FXR1: variants seen among roughly 807,000 people sequenced by gnomAD.
The protein encoded by FXR1 is RNA-binding protein FXR1.
A neutral mutation model predicts 84.0 loss-of-function variants in FXR1; 15 were observed. The ratio of observed to expected loss-of-function variants is 0.18; its 90% CI spans 0.12 to 0.27. The LOEUF is 0.27. FXR1 is among the 10% of genes least tolerant of loss of function. The pLI is 1.00. For missense variants in FXR1, 480 were observed against 774.4 expected (o/e 0.62, Z 4.51); for synonymous variants, 245 against 250.7 (o/e 0.98, Z 0.21).
intron 11 of FXR1, 124 bp from the exon 12 acceptor site, chr3:180,962,759 A>G (rs1166638014): frequency 3.3e-5 from 22 of 667,896 alleles, no homozygotes; most frequent in Non-Finnish European, 5.3e-5. Flanking sequence ...TAGGAACACA[A>G]TGCTCTTTAC....
intron 3 of FXR1, among the ~76,000 whole-genome samples, chr3:180,939,747 T>G (rs1199360696): frequency 1.3e-5 from 2 of 152,216 alleles, no homozygotes; most frequent in Non-Finnish European, 1.5e-5. Flanking sequence ...TTTCCAAATG[T>G]ATTCAGAGGG....
At chr3:180,919,226 T>C (rs1212285472) in intron 1 of FXR1, among the ~76,000 whole-genome samples, 1 of 152,076 alleles carries the variant, frequency 6.6e-6, no homozygotes, top group Non-Finnish European at 1.5e-5. Flanking sequence ...CAAATTGGGT[T>C]TCAAAGCCTT....
chr3:180,974,646 TGG>T (rs1220587840), intron 15 of FXR1, among the ~76,000 whole-genome samples: 2 of 152,052 alleles, frequency 1.3e-5, no homozygotes, highest in Non-Finnish European at 2.9e-5. Flanking sequence ...AAAGGGGGTG[TGG>T]GAGGGGTGTC....
At chr3:180,943,265 CTTTTTTTT>C (rs71182562) in intron 3 of FXR1, among the ~76,000 whole-genome samples, 614 of 27,666 alleles carry the variant, frequency 0.022, 12 homozygotes, top group African/African-American at 0.08. Context: ...CTGTGCCCGG[CTTTTTTTT>C]TTTTTTTTTT....
intron 3 of FXR1, among the ~76,000 whole-genome samples, chr3:180,939,680 G>A (rs908879508): frequency 6.6e-6 from 1 of 152,136 alleles, no homozygotes; most frequent in South Asian, 2.1e-4. Flanking sequence ...TACTTTATTA[G>A]CTTGTCCAAG....
At chr3:180,942,606 A>C (rs1022661730) in intron 3 of FXR1, among the ~76,000 whole-genome samples, 2 of 152,032 alleles carry the variant, frequency 1.3e-5, no homozygotes, top group African/African-American at 2.4e-5. Context: ...TTCATCCTGT[A>C]CTCCATAAAA....
At chr3:180,919,586 T>C (rs1718327538) in intron 1 of FXR1, among the ~76,000 whole-genome samples, 1 of 151,740 alleles carries the variant, frequency 6.6e-6, no homozygotes. Flanking sequence ...GCCGGGCCAA[T>C]AATTTTTTAC....
intron 13 of FXR1, among the ~76,000 whole-genome samples, chr3:180,965,278 G>GTTT (rs1263151984): frequency 6.6e-6 from 1 of 152,050 alleles, no homozygotes; most frequent in Non-Finnish European, 1.5e-5. Flanking sequence ...GCCTCCCAAA[G>GTTT]TGCTGGGATT....
intron 1 of FXR1, among the ~76,000 whole-genome samples, chr3:180,930,832 C>T (rs762927495): frequency 8.6e-5 from 13 of 151,726 alleles, no homozygotes; most frequent in Non-Finnish European, 1.3e-4. Flanking sequence ...GTCAGGAGTT[C>T]GAGACCAGCC....
At chr3:180,966,713 CTG>C (rs764752302) in intron 13 of FXR1, among the ~76,000 whole-genome samples, 6 of 152,056 alleles carry the variant, frequency 3.9e-5, no homozygotes, top group African/African-American at 9.7e-5. Context: ...ATGGCACAGT[CTG>C]TGATAGATGT....
intron 10 of FXR1, 125 bp from the exon 11 acceptor site, chr3:180,961,339 CAAAA>C: frequency 3.4e-6 from 1 of 290,962 alleles, no homozygotes; most frequent in Non-Finnish European, 5.9e-6. Flanking sequence ...GACGTCATCT[CAAAA>C]AAAAAAAAAA....
At chr3:180,974,351 C>T (rs1316597777) in intron 15 of FXR1, among the ~76,000 whole-genome samples, 1 of 152,096 alleles carries the variant, frequency 6.6e-6, no homozygotes, top group Non-Finnish European at 1.5e-5. Flanking sequence ...CCATGTTGGT[C>T]AGGCTGGTCT....
chr3:180,959,008 A>G (rs942209015), intron 10 of FXR1, among the ~76,000 whole-genome samples: 4 of 151,960 alleles, frequency 2.6e-5, no homozygotes, highest in South Asian at 2.1e-4. Context: ...GGGTTTCACC[A>G]TGTTGGCCAG....
chr3:180,937,956 A>G (rs1338113394), intron 3 of FXR1, among the ~76,000 whole-genome samples: 1 of 152,122 alleles, frequency 6.6e-6, no homozygotes, highest in African/African-American at 2.4e-5. Context: ...ATTTGCATGT[A>G]TAAAGGACAT....
intron 11 of FXR1, among the ~76,000 whole-genome samples, chr3:180,962,372 G>A (rs1712230100): frequency 6.6e-6 from 1 of 152,206 alleles, no homozygotes; most frequent in African/African-American, 2.4e-5. Flanking sequence ...TTAACCAAGA[G>A]CTTTCTCTAG....
At chr3:180,935,329 T>C (rs1413746027) in intron 3 of FXR1, 98 bp downstream of exon 3, 30 of 637,038 alleles carry the variant, frequency 4.7e-5, no homozygotes, top group Non-Finnish European at 8.5e-5. Context: ...ATAAATCTAA[T>C]TCATTTTCTC....
chr3:180,920,896 C>T (rs1227329135), intron 1 of FXR1, among the ~76,000 whole-genome samples: 3 of 152,118 alleles, frequency 2.0e-5, no homozygotes, highest in African/African-American at 7.2e-5. Context: ...AATGGGTGAA[C>T]CTAACAAGCC....
chr3:180,948,859 C>T (rs1458439141), intron 6 of FXR1, 45 bp downstream of exon 6: 1 of 851,314 alleles, frequency 1.2e-6, no homozygotes, highest in African/African-American at 1.7e-5. Flanking sequence ...ATGGATATTG[C>T]ACAGATTTTA....
At position 180,917,905 on chromosome 3, in the gene FXR1, C is replaced by T. The variant is rs181565813; in HGVS notation, c.51+5169C>T. On this transcript the variant is annotated intron_variant, in intron 1 of 16. Transcript: ENST00000357559. Reference sequence around the variant, plus strand: ...GAGGTTGCAGTGAGCCGAGATCATGCCATTGCACTCCAGCCTGGGTGACAG... The same window carrying T: ...GAGGTTGCAGTGAGCCGAGATCATGTCATTGCACTCCAGCCTGGGTGACAG... 3.5e-5 allele frequency among the ~76,000 whole-genome samples: 5 copies of T among 143,838 alleles called. No individual in the cohort carries two copies. In the Admixed American group the frequency reaches 3.7e-4, roughly 11 times the overall value. 94.4% of individuals were successfully genotyped at this position (143,838 alleles called of 152,430 possible).
Sources: gnomAD v4.1 joint callset for allele counts (sites outside exome capture counted in the v4.1 genomes callset) on GRCh38, gnomAD v4.1.1 for gene constraint, MANE v1.5 for transcripts, NCBI Gene and HGNC (gene_info 2026-07-23, HGNC 2026-07-21) for gene names.